Variants in ARHGEF28 observed in about 807,000 individuals in gnomAD.
ARHGEF28 encodes Rho guanine nucleotide exchange factor 28, also known as 190 kDa guanine nucleotide exchange factor.
A neutral mutation model predicts 206.6 loss-of-function variants in ARHGEF28; 152 were observed. The observed-to-expected ratio is 0.74, with a 90% CI of 0.64 to 0.84. The LOEUF (loss-of-function observed/expected upper bound fraction) is 0.84. Ranked by LOEUF, ARHGEF28 falls within the 40% of genes least tolerant of loss-of-function variation. The pLI is 0.00. For missense variants in ARHGEF28, 2,028 were observed against 2,073.2 expected (o/e 0.98, Z 0.42); for synonymous variants, 763 against 776.4 (o/e 0.98, Z 0.29).
At chr5:73,859,725 G>A (rs1423480658) in intron 16 of ARHGEF28, among the ~76,000 whole-genome samples, 3 of 152,056 alleles carry the variant, frequency 2.0e-5, no homozygotes, top group Non-Finnish European at 2.9e-5. Flanking sequence ...ACACTTCAGC[G>A]GTCAGTTCAT....
At chr5:73,761,624 C>T (rs1224878056) in intron 4 of ARHGEF28, among the ~76,000 whole-genome samples, 1 of 152,088 alleles carries the variant, frequency 6.6e-6, no homozygotes, top group African/African-American at 2.4e-5. Flanking sequence ...GGATAGAAAC[C>T]TCAAAAAATC....
chr5:73,805,240 T>C (rs990751364), intron 9 of ARHGEF28, among the ~76,000 whole-genome samples: 2 of 152,314 alleles, frequency 1.3e-5, no homozygotes, highest in Non-Finnish European at 2.9e-5. Context: ...TCTTGAATTG[T>C]AGGTACACAA....
chr5:73,900,218 G>C (rs1425254015), intron 30 of ARHGEF28: 1 of 151,942 alleles, frequency 6.6e-6, no homozygotes, highest in Non-Finnish European at 1.5e-5. Context: ...TTTTATTAAA[G>C]AAAAAAGCAT....
At chr5:73,669,309 A>G (rs1341525976) in intron 1 of ARHGEF28, among the ~76,000 whole-genome samples, 1 of 152,204 alleles carries the variant, frequency 6.6e-6, no homozygotes, top group East Asian at 1.9e-4. Flanking sequence ...AGTAGCCACC[A>G]CAAAGGAGAG....
chr5:73,633,840 G>A (rs891368957), intron 1 of ARHGEF28, among the ~76,000 whole-genome samples: 27 of 152,150 alleles, frequency 1.8e-4, no homozygotes, highest in East Asian at 1.9e-4. Flanking sequence ...GCCTCCCAAC[G>A]TGCTGGGGTT....
In ARHGEF28 at chr5:73,851,501, G is replaced by T. The variant is rs552553389; in HGVS notation, c.1748-1149G>T. Among the ~76,000 whole-genome samples the T allele has an allele frequency of 5.9e-5, 9 of 151,646 alleles. No homozygotes were observed. The South Asian group carries it at 1.9e-3, about 32-fold the overall frequency. On this transcript the variant is annotated intron_variant, in intron 13 of 35. Coordinates refer to ENST00000513042, the MANE Select transcript of ARHGEF28 (RefSeq NM_001177693.2). ...AAATCCAGTTTTATAATTCCCTTTGGTCTATTATAGATTTAGGCAGAAAGG... is the reference window on the plus strand; with the variant it reads ...AAATCCAGTTTTATAATTCCCTTTGTTCTATTATAGATTTAGGCAGAAAGG...
At chr5:73,930,430 C>G (rs549647548) in intron 35 of ARHGEF28, among the ~76,000 whole-genome samples, 1 of 152,300 alleles carries the variant, frequency 6.6e-6, no homozygotes. Context: ...TTCTGACTCA[C>G]AGCAGATTTT....
At chr5:73,720,560 A>G (rs1389912836) in intron 2 of ARHGEF28, among the ~76,000 whole-genome samples, 1 of 152,138 alleles carries the variant, frequency 6.6e-6, no homozygotes, top group Non-Finnish European at 1.5e-5. Context: ...GGAAAATGCA[A>G]GAGGAGGAAG....
Position 73,923,712 on chromosome 5 carries a change from A to G in ARHGEF28, c.4948+12137A>G, listed in dbSNP as rs1171290278. On this transcript the variant is annotated intron_variant, in intron 35 of 35. Transcript: ENST00000513042. ...TAAGGTAAAACATTGATCTTCTCAA[A>G]CAAACTTACAGGACTTCTGGTGGTG... is the stretch of plus-strand genomic sequence containing the variant. Among the ~76,000 whole-genome samples, 80 of 152,214 alleles carry G rather than the reference A, an allele frequency of 5.3e-4. 1 individual carries two copies. Among genetic ancestry groups the G allele is most frequent in the Admixed American group, 5.2e-3 (80 of 15,286 alleles).
chr5:73,744,278 G>T (rs551010415), intron 2 of ARHGEF28, among the ~76,000 whole-genome samples: 1 of 152,164 alleles, frequency 6.6e-6, no homozygotes, highest in Non-Finnish European at 1.5e-5. Flanking sequence ...TTGTGCCCAC[G>T]GTGCTTCCTT....
chr5:73,872,201 T>A (rs1234513512), intron 21 of ARHGEF28, among the ~76,000 whole-genome samples: 1 of 152,210 alleles, frequency 6.6e-6, no homozygotes, highest in Admixed American at 6.5e-5. Context: ...AAGTGATGTG[T>A]CATTTTGGTT....
At chr5:73,671,285 A>G (rs914275881) in intron 1 of ARHGEF28, among the ~76,000 whole-genome samples, 1 of 152,206 alleles carries the variant, frequency 6.6e-6, no homozygotes, top group African/African-American at 2.4e-5. Context: ...GGCTTTATCT[A>G]GGACCTGACC....
At chr5:73,839,471 T>G (rs1757852410) in intron 10 of ARHGEF28, among the ~76,000 whole-genome samples, 1 of 152,218 alleles carries the variant, frequency 6.6e-6, no homozygotes, top group Admixed American at 6.5e-5. Flanking sequence ...TTTACTGTCC[T>G]CACTCCAGAC....
chr5:73,894,861 T>C (rs1171854633), intron 29 of ARHGEF28, among the ~76,000 whole-genome samples: 1 of 152,166 alleles, frequency 6.6e-6, no homozygotes, highest in Non-Finnish European at 1.5e-5. Context: ...GCCTCTTTGA[T>C]ATAATGATAT....
intron 6 of ARHGEF28, among the ~76,000 whole-genome samples, chr5:73,776,997 G>C (rs1486009587): frequency 6.6e-6 from 1 of 152,094 alleles, no homozygotes; most frequent in Non-Finnish European, 1.5e-5. Flanking sequence ...ATCTAAAGCA[G>C]TTACATTTAG....
At chr5:73,787,815 AAC>A (rs1754250603) in intron 7 of ARHGEF28, among the ~76,000 whole-genome samples, 1 of 152,198 alleles carries the variant, frequency 6.6e-6, no homozygotes, top group Admixed American at 6.5e-5. Context: ...CACAGGAAAG[AAC>A]AGTCTCCATC....
At chr5:73,872,521 T>C (rs1760169708) in intron 21 of ARHGEF28, among the ~76,000 whole-genome samples, 1 of 152,204 alleles carries the variant, frequency 6.6e-6, no homozygotes, top group African/African-American at 2.4e-5. Context: ...TGGAGACAGA[T>C]TCTGCCATAG....
chr5:73,664,235 C>A (rs754908160), intron 1 of ARHGEF28, among the ~76,000 whole-genome samples: 1 of 152,226 alleles, frequency 6.6e-6, no homozygotes, highest in African/African-American at 2.4e-5. Flanking sequence ...CCAGTGGGTT[C>A]TTTTCAGTTC....
intron 9 of ARHGEF28, chr5:73,813,445 C>T (rs1755968387): frequency 1.1e-5 from 15 of 1,416,152 alleles, no homozygotes; most frequent in Non-Finnish European, 1.3e-5. Flanking sequence ...ATTGCCTTTC[C>T]CTCCCTGGTG....
Sources: allele counts gnomAD v4.1 joint callset (sites outside exome capture counted in the v4.1 genomes callset), GRCh38; gene constraint gnomAD v4.1.1; transcripts MANE v1.5; gene names NCBI Gene and HGNC (gene_info 2026-07-23, HGNC 2026-07-21).